RAB8B: variants seen among roughly 807,000 people sequenced by gnomAD.
The protein encoded by RAB8B is ras-related protein Rab-8B.
Under a neutral mutation model 32.0 loss-of-function variants are expected in RAB8B, and 11 were observed. The observed-to-expected ratio is 0.34, with a 90% CI of 0.22 to 0.57. RAB8B has a LOEUF of 0.57. Among genes scored for constraint, RAB8B ranks in the 20% least tolerant of loss-of-function variants. RAB8B has a pLI of 0.86. For missense variants in RAB8B, 190 were observed against 258.5 expected, an observed-to-expected ratio of 0.73 and a Z score of 1.82; for synonymous variants, 103 against 89.6, an observed-to-expected ratio of 1.15 and a Z score of -0.85.
Position 63,251,166 on chromosome 15 carries a change from C to T in RAB8B, c.246+1461C>T, listed in dbSNP as rs1468535850. 7.2e-6 allele frequency: 3 copies of T among 418,184 alleles called. No homozygotes were observed. The Admixed American group carries it at 8.5e-5, about 12-fold the overall frequency. The allele number at this position is 418,184 out of a possible 1,614,324, so 25.9% of individuals were successfully genotyped here. A position where few individuals can be genotyped will look rare whatever the true frequency, so the allele number is the denominator to read the frequency against. On this transcript the variant is annotated intron_variant, in intron 3 of 7. Coordinates refer to ENST00000321437, the MANE Select transcript of RAB8B (RefSeq NM_016530.3). ...TACTTTTAAGATTGTGAAGGGTCAT[C>T]ATTTTAATAAAAATAGCTGCCAGCC... is the stretch of plus-strand genomic sequence containing the variant.
intron 1 of RAB8B, among the ~76,000 whole-genome samples, chr15:63,194,625 T>TG (rs1219430029): frequency 1.3e-5 from 2 of 152,202 alleles, no homozygotes; most frequent in Admixed American, 6.5e-5. Context: ...ATCATATTAA[T>TG]GGGGGTATGT....
rs143796411 is a variant in RAB8B at position 63,246,226 on chromosome 15, G to A, written c.185+1410G>A. ...TATGTCTACATTTTGACTGTGACCC[G>A]TCACGTGAGCTCAGTTGTGTAATAT... On this transcript the variant is annotated intron_variant, in intron 2 of 7. Transcript: ENST00000321437. Among the ~76,000 whole-genome samples the A allele has an allele frequency of 4.9e-3, 747 of 152,252 alleles. 7 individuals are homozygous for A. Among genetic ancestry groups the A allele is most frequent in the African/African-American group, 0.011 (446 of 41,536 alleles).
chr15:63,198,798 G>A (rs2037624577), intron 1 of RAB8B, among the ~76,000 whole-genome samples: 1 of 152,130 alleles, frequency 6.6e-6, no homozygotes, highest in South Asian at 2.1e-4. Context: ...AAGTTGAATT[G>A]TAAATTCGTT....
At chr15:63,251,698 A>G (rs1009856551) in intron 3 of RAB8B, among the ~76,000 whole-genome samples, 6 of 152,202 alleles carry the variant, frequency 3.9e-5, no homozygotes, top group Non-Finnish European at 4.4e-5. Flanking sequence ...TCTGCTGTAT[A>G]CAATGCCAGT....
chr15:63,193,581 G>A (rs28716866), intron 1 of RAB8B, among the ~76,000 whole-genome samples: 5,363 of 152,232 alleles, frequency 0.035, 267 homozygotes, highest in African/African-American at 0.11. Flanking sequence ...GGAGGCCAAG[G>A]CAGGCGGATC....
chr15:63,249,768 C>A, intron 3 of RAB8B, 63 bp downstream of exon 3: 1 of 1,495,722 alleles, frequency 6.7e-7, no homozygotes, highest in Non-Finnish European at 9.2e-7. Context: ...GTTTGTTTGC[C>A]AAGATTATAG....
At chr15:63,201,348 G>C (rs1271265520) in intron 1 of RAB8B, among the ~76,000 whole-genome samples, 1 of 152,206 alleles carries the variant, frequency 6.6e-6, no homozygotes, top group African/African-American at 2.4e-5. Context: ...CAAAGGAGGA[G>C]TTAGTTGGGT....
At chr15:63,249,349 T>A (rs2038096282) in intron 2 of RAB8B, among the ~76,000 whole-genome samples, 2 of 152,192 alleles carry the variant, frequency 1.3e-5, no homozygotes, top group Admixed American at 1.3e-4. Context: ...CCCACGTGTG[T>A]TTGACTAATA....
chr15:63,246,565 A>G (rs529657482), intron 2 of RAB8B, among the ~76,000 whole-genome samples: 4 of 152,306 alleles, frequency 2.6e-5, no homozygotes, highest in South Asian at 2.1e-4. Flanking sequence ...AGGAACTTCC[A>G]CACTTCCTTC....
chr15:63,242,469 G>A (rs2038040279), intron 1 of RAB8B, among the ~76,000 whole-genome samples: 1 of 152,134 alleles, frequency 6.6e-6, no homozygotes, highest in Non-Finnish European at 1.5e-5. Context: ...GGTCGGTCAG[G>A]AGATTGAGAC....
chr15:63,238,724 G>A lies in RAB8B; in HGVS notation c.125-6032G>A, dbSNP rs962613939. Among the ~76,000 whole-genome samples, 8 of 152,108 alleles carry A rather than the reference G, an allele frequency of 5.3e-5. No homozygotes were observed. The South Asian group carries it at 8.3e-4, about 16-fold the overall frequency. The stretch of plus-strand genomic sequence containing the variant: ...CAATAGCCTTTCTATTCTATTTTTA[G>A]CAGCCTATGGATTCTAGGAGTGACC... On this transcript the variant is annotated intron_variant, in intron 1 of 7. Coordinates refer to ENST00000321437, the MANE Select transcript of RAB8B (RefSeq NM_016530.3).
chr15:63,231,540 A>G (rs62012879), intron 1 of RAB8B, among the ~76,000 whole-genome samples: 542 of 148,292 alleles, frequency 3.7e-3, no homozygotes, highest in Non-Finnish European at 4.8e-3. Flanking sequence ...TCTTCAGAGT[A>G]TTCACCTCAC....
At chr15:63,255,896 A>G (rs2038155187) in intron 4 of RAB8B, among the ~76,000 whole-genome samples, 2 of 152,258 alleles carry the variant, frequency 1.3e-5, no homozygotes, top group African/African-American at 4.8e-5. Context: ...TACAGCCTTT[A>G]AAAAGAAGAG....
chr15:63,261,238 A>C (rs1205123776), intron 6 of RAB8B, among the ~76,000 whole-genome samples: 2 of 152,180 alleles, frequency 1.3e-5, no homozygotes, highest in African/African-American at 2.4e-5. Context: ...TCTCACCCCA[A>C]TTAAAATGGC....
intron 2 of RAB8B, among the ~76,000 whole-genome samples, chr15:63,245,910 T>G (rs2038067287): frequency 6.6e-6 from 1 of 152,214 alleles, no homozygotes; most frequent in African/African-American, 2.4e-5. Context: ...TTCGCTCTTG[T>G]TGCCCAAGCT....
intron 4 of RAB8B, among the ~76,000 whole-genome samples, chr15:63,256,168 T>C (rs1217984992): frequency 6.6e-6 from 1 of 152,248 alleles, no homozygotes; most frequent in African/African-American, 2.4e-5. Flanking sequence ...GTACAGAATC[T>C]AGAATACCAT....
intron 1 of RAB8B, among the ~76,000 whole-genome samples, chr15:63,237,351 C>T (rs1209619187): frequency 6.6e-6 from 1 of 152,180 alleles, no homozygotes; most frequent in Non-Finnish European, 1.5e-5. Context: ...CATTCCCACC[C>T]ACAGTGTGCA....
intron 1 of RAB8B, among the ~76,000 whole-genome samples, chr15:63,224,801 C>T (rs1039987638): frequency 6.6e-6 from 1 of 152,148 alleles, no homozygotes; most frequent in Non-Finnish European, 1.5e-5. Flanking sequence ...CCTCCCAAGT[C>T]CTCCATAATC....
intron 1 of RAB8B, among the ~76,000 whole-genome samples, chr15:63,218,742 C>G (rs2037814532): frequency 6.6e-6 from 1 of 152,128 alleles, no homozygotes; most frequent in Non-Finnish European, 1.5e-5. Context: ...ACAGGAATTC[C>G]CGGCAATGTC....
Sources: allele counts gnomAD v4.1 joint callset (sites outside exome capture counted in the v4.1 genomes callset), GRCh38; gene constraint gnomAD v4.1.1; transcripts MANE v1.5; gene names NCBI Gene and HGNC (gene_info 2026-07-23, HGNC 2026-07-21).